The following TRPM4 variants were observed in gnomAD, a reference collection of about 807,000 sequenced individuals.
TRPM4 encodes calcium-activated non-selective cation channel 1.
In TRPM4, 124 loss-of-function variants were observed where a neutral mutation model predicts 135.6. The ratio of observed to expected loss-of-function variants is 0.91; its 90% CI spans 0.79 to 1.06. The LOEUF is 1.06. TRPM4 is among the 50% of genes least tolerant of loss of function. TRPM4 has a pLI of 0.00. For missense variants in TRPM4, 1,658 were observed against 1,671.4 expected, an observed-to-expected ratio of 0.99 and a Z score of 0.14; for synonymous variants, 745 against 705.6, an observed-to-expected ratio of 1.06 and a Z score of -0.88.
At position 49,211,291 on chromosome 19, in the gene TRPM4, G is replaced by A; in HGVS notation, c.3640+22G>A. The A allele has an allele frequency of 6.3e-7, 1 of 1,576,112 alleles. No homozygotes were observed. The highest frequency in any genetic ancestry group is 1.3e-5 in the African/African-American group (1 of 74,406). ...AAAGGTCAGTGTGTAGCATCAGCCT[G>A]TGCATCTCCAGCCTCTGTTCCTGTA... On this transcript the variant is annotated intron_variant, in intron 24 of 24. Transcript: ENST00000252826. The surrounding 1 kb of genome is among the most constrained non-coding windows in gnomAD (Gnocchi z 4.8).
Position 49,188,718 on chromosome 19 carries a change from G to A in TRPM4, c.1821G>A (p.Glu607=), listed in dbSNP as rs1968290473. ...RVMARLEPDA[E]EAARRKDLAF... is the part of the protein sequence containing the mutation. The stretch of plus-strand genomic sequence containing the variant: ...TGGCACGCCTGGAGCCTGACGCTGA[G>A]GAGGCAGCACGGAGGAAAGACCTGG... Residue 607 remains glutamate, a synonymous_variant, in exon 13 of 25, where the codon GAG becomes GAA. Transcript: ENST00000252826. 1 of 1,614,100 alleles carries A rather than the reference G, an allele frequency of 6.2e-7. No homozygotes were observed. Among genetic ancestry groups the A allele is most frequent in the Non-Finnish European group, 8.5e-7 (1 of 1,180,058 alleles).
chr19:49,163,687 G>A (rs73590077), intron 2 of TRPM4, among the ~76,000 whole-genome samples: 4,078 of 152,148 alleles, frequency 0.027, 171 homozygotes, highest in African/African-American at 0.094. Context: ...TAGGGATGGG[G>A]TCTCGCTCTA....
intron 20 of TRPM4, among the ~76,000 whole-genome samples, chr19:49,202,526 A>G (rs57100476): frequency 3.9e-5 from 6 of 151,906 alleles, no homozygotes; most frequent in African/African-American, 1.2e-4. Flanking sequence ...ATTTAAAAAA[A>G]TTTTTGGAGA....
intron 20 of TRPM4, among the ~76,000 whole-genome samples, chr19:49,206,118 G>A (rs1291554962): frequency 1.3e-5 from 2 of 151,724 alleles, no homozygotes; most frequent in African/African-American, 4.8e-5. Context: ...CTGCCACCAC[G>A]CCCGGCTAAT....
At chr19:49,197,362 T>TTCTTTC (rs1270240927) in intron 17 of TRPM4, among the ~76,000 whole-genome samples, 376 of 90,602 alleles carry the variant, frequency 4.2e-3, no homozygotes, top group African/African-American at 0.023. Context: ...CTTTCTTTCT[T>TTCTTTC]TCTCTCTCTT....
chr19:49,200,694 A>T lies in TRPM4; in HGVS notation c.2862A>T (p.Pro954=). The change falls in exon 19 of 25, where the codon CCA becomes CCT. Residue 954 remains proline (P), a synonymous_variant. Transcript: ENST00000252826. ...YGVATEGLLR[P]RDSDFPSILR... is the part of the protein sequence containing the mutation. Reference sequence around the variant, plus strand: ...TGGCCACGGAGGGGCTCCTGAGGCCACGGGACAGTGACTTCCCAAGTATCC... The same window carrying T: ...TGGCCACGGAGGGGCTCCTGAGGCCTCGGGACAGTGACTTCCCAAGTATCC... 1 of 1,614,052 alleles carries T rather than the reference A, an allele frequency of 6.2e-7. No homozygotes were observed. The highest frequency in any genetic ancestry group is 1.1e-5 in the South Asian group (1 of 91,076).
At position 49,209,026 on chromosome 19, in the gene TRPM4, A is replaced by T. The variant is rs61304201; in HGVS notation, c.3132-1183A>T. Among the ~76,000 whole-genome samples, 306 of 151,978 alleles carry T rather than the reference A, an allele frequency of 2.0e-3. 1 individual carries two copies. Among genetic ancestry groups the T allele is most frequent in the African/African-American group, 7.1e-3 (296 of 41,424 alleles). ...AATGCCTTTTCTGTGTTGGTTGAGA[A>T]GATCATATGGCTTCCCCCACACCTT... On this transcript the variant is annotated intron_variant, in intron 20 of 24. Coordinates refer to ENST00000252826, the MANE Select transcript of TRPM4 (RefSeq NM_017636.4).
chr19:49,158,110 G>A, intron 1 of TRPM4, 82 bp from the exon 2 acceptor site: 1 of 1,422,552 alleles, frequency 7.0e-7, no homozygotes, highest in Non-Finnish European at 9.9e-7. Context: ...GAGCGCACGG[G>A]GTGGGTGGCT....
chr19:49,209,502 A>G (rs572216055), intron 20 of TRPM4, among the ~76,000 whole-genome samples: 16 of 152,044 alleles, frequency 1.1e-4, no homozygotes, highest in Non-Finnish European at 2.1e-4. Context: ...GTGTGTTCCT[A>G]GGAATTTGTC....
At chr19:49,177,610 G>A (rs1009673288) in intron 9 of TRPM4, among the ~76,000 whole-genome samples, 1 of 152,148 alleles carries the variant, frequency 6.6e-6, no homozygotes, top group African/African-American at 2.4e-5. Flanking sequence ...ACAGGTGTGA[G>A]CCACCACCCC....
Position 49,210,833 on chromosome 19 carries a change from C to G in TRPM4, c.3452C>G (p.Thr1151Arg). The change falls in exon 22 of 25, where the codon ACG (threonine) becomes AGG (arginine). Residue 1151 changes from threonine to arginine, a missense_variant. Transcript: ENST00000252826. This position sits in a 1 kb window ranked among gnomAD's most constrained non-coding sequence, Gnocchi z 4.1. ...AGCGACTCCGAGCGTCTGAAGCGCA[C>G]GTCCCAGAAGTGAGAGCGGGGCCTG... ...RESDSERLKR[T>R]SQKVDLALKQ... 1 of 1,611,346 alleles carries G rather than the reference C, an allele frequency of 6.2e-7. No individual in the cohort carries two copies. Among genetic ancestry groups the G allele is most frequent in the Non-Finnish European group, 8.5e-7 (1 of 1,179,138 alleles).
chr19:49,158,843 A>G (rs1224527239), intron 2 of TRPM4: 2 of 154,272 alleles, frequency 1.3e-5, no homozygotes, highest in East Asian at 3.9e-4. Context: ...TATTCCTGGC[A>G]CAGCGCCCAG....
At chr19:49,158,556 C>T (rs2041564055) in intron 2 of TRPM4, 1 of 437,440 alleles carries the variant, frequency 2.3e-6, no homozygotes, top group South Asian at 3.1e-5. Flanking sequence ...CTTTCTGTGT[C>T]TCTGTCTTTC....
chr19:49,164,374 T>G lies in TRPM4; in HGVS notation c.93-1667T>G, dbSNP rs969439869. 1.2e-4 allele frequency among the ~76,000 whole-genome samples: 10 copies of G among 86,896 alleles called. 1 individual carries two copies. The highest frequency in any genetic ancestry group is 4.3e-4 in the South Asian group (1 of 2,310). 57.0% of individuals were successfully genotyped at this position (86,896 alleles called of 152,430 possible). A position where few individuals can be genotyped will look rare whatever the true frequency, so the allele number is the denominator to read the frequency against. ...TCCTTTCTTTCCTTAGTTTTTTTTT[T>G]TTTTTTTTTTTTTTTTTTTTTTTTG... On this transcript the variant is annotated intron_variant, in intron 2 of 24. Transcript: ENST00000252826.
At chr19:49,197,828 A>G (rs1457716533) in intron 17 of TRPM4, among the ~76,000 whole-genome samples, 1 of 151,858 alleles carries the variant, frequency 6.6e-6, no homozygotes, top group African/African-American at 2.4e-5. Context: ...GATTACAGGC[A>G]TGCACCACTA....
At chr19:49,198,257 C>A (rs1600507221) in intron 17 of TRPM4, among the ~76,000 whole-genome samples, 1 of 152,174 alleles carries the variant, frequency 6.6e-6, no homozygotes, top group Non-Finnish European at 1.5e-5. Flanking sequence ...AGGGCTAAGG[C>A]CATATGCTAC....
In TRPM4 at chr19:49,171,956, A is replaced by C; in HGVS notation, c.1051-53A>C. ...CCTCCATCCCTTTGGACAGGGCCCA[A>C]CAGGAGTTGGGGATGGAGGCGGGCT... is the stretch of plus-strand genomic sequence containing the variant. On this transcript the variant is annotated intron_variant, in intron 8 of 24. Transcript: ENST00000252826. The surrounding 1 kb of genome is among the most constrained non-coding windows in gnomAD (Gnocchi z 4.7). 1 of 1,508,712 alleles carries C rather than the reference A, an allele frequency of 6.6e-7. No homozygotes were observed. Among genetic ancestry groups the C allele is most frequent in the South Asian group, 1.1e-5 (1 of 88,974 alleles). 93.5% of individuals were successfully genotyped at this position (1,508,712 alleles called of 1,614,324 possible).
chr19:49,172,045 G>C lies in TRPM4; in HGVS notation c.1087G>C (p.Val363Leu). 6.2e-7 allele frequency: 1 copy of C among 1,614,092 alleles called. No individual in the cohort carries two copies. Among genetic ancestry groups the C allele is most frequent in the Non-Finnish European group, 8.5e-7 (1 of 1,179,994 alleles). ...TATGACCCGGAAGGAGCTCCTGACA[G>C]TCTATTCTTCTGAGGATGGGTCTGA... ...RIMTRKELLTVYSSEDGSEEF... is the reference protein window; with the variant it reads ...RIMTRKELLTLYSSEDGSEEF... The change falls in exon 9 of 25, where the codon GTC (valine) becomes CTC (leucine). Residue 363 changes from valine (V) to leucine (L), a missense_variant. Around this residue, in one of 3 missense-constraint regions of TRPM4, gnomAD observed 1,412 missense variants for 1,408.7 expected, o/e 1.00. Transcript: ENST00000252826.
At chr19:49,195,267 GC>G (rs1968587735) in intron 16 of TRPM4, among the ~76,000 whole-genome samples, 2 of 152,162 alleles carry the variant, frequency 1.3e-5, no homozygotes, top group Non-Finnish European at 2.9e-5. Context: ...CGTTTTCCCA[GC>G]CCTAGGCCAC....
Sources: gnomAD v4.1 joint callset for allele counts (sites outside exome capture counted in the v4.1 genomes callset) on GRCh38, gnomAD v4.1.1 for gene constraint, gnomAD v4.1.1 regional missense constraint, Gnocchi (gnomAD v3.1) non-coding constraint, MANE v1.5 for transcripts, NCBI Gene and HGNC (gene_info 2026-07-23, HGNC 2026-07-21) for gene names.